Variants in C3orf85 observed in about 807,000 individuals in gnomAD.
C3orf85 encodes chromosome 3 open reading frame 85.
A neutral mutation model predicts 1.7 loss-of-function variants in C3orf85; 1 was observed. That is an observed-to-expected ratio of 0.60 (90% confidence interval 0.21 to 2.86). C3orf85 has a LOEUF of 2.86. Ranked by LOEUF, C3orf85 falls within the 30% of genes most tolerant of loss-of-function variation. The pLI, the probability that C3orf85 is intolerant of heterozygous loss-of-function variation, is 0.22. For synonymous variants in C3orf85, 17 were observed against 8.0 expected (o/e 2.13, Z -1.90); for missense variants, 29 against 21.3 (o/e 1.36, Z -0.72).
chr3:109,148,610 C>T (rs1706827123), intron 3 of C3orf85: 1 of 485,664 alleles, frequency 2.1e-6, no homozygotes, highest in African/African-American at 2.0e-5. Context: ...CCTTTCCCTT[C>T]TTCTCAGGGC....
chr3:109,142,445 C>A (rs1042686281), intron 2 of C3orf85, among the ~76,000 whole-genome samples: 52 of 152,160 alleles, frequency 3.4e-4, no homozygotes, highest in Non-Finnish European at 4.9e-4. Flanking sequence ...AGCAAGCCTG[C>A]ACTGCTTACT....
intron 2 of C3orf85, among the ~76,000 whole-genome samples, chr3:109,141,081 G>C (rs1302153866): frequency 3.3e-5 from 5 of 152,288 alleles, no homozygotes; most frequent in Middle Eastern, 6.8e-3. Flanking sequence ...CCACCTCTCA[G>C]GTTCAAGCGA....
chr3:109,138,799 T>C (rs1706707454), intron 2 of C3orf85, among the ~76,000 whole-genome samples: 1 of 152,206 alleles, frequency 6.6e-6, no homozygotes, highest in Admixed American at 6.5e-5. Flanking sequence ...TTGGAGCTGA[T>C]TCTCTAGTCA....
At chr3:109,144,206 C>T (rs1372857999) in intron 2 of C3orf85, among the ~76,000 whole-genome samples, 1 of 152,044 alleles carries the variant, frequency 6.6e-6, no homozygotes, top group African/African-American at 2.4e-5. Context: ...AACACAAAAC[C>T]CTGGTCTTGC....
chr3:109,137,637 G>GTGTGTATATAGATATATATATATA (rs751674362), intron 2 of C3orf85, among the ~76,000 whole-genome samples: 1 of 79,896 alleles, frequency 1.3e-5, no homozygotes, highest in Non-Finnish European at 2.6e-5. Flanking sequence ...GTGTGTGTGT[G>GTGTGTATATAGATATATATATATA]TATATATATA....
At chr3:109,144,066 T>G (rs529421338) in intron 2 of C3orf85, among the ~76,000 whole-genome samples, 4 of 152,212 alleles carry the variant, frequency 2.6e-5, no homozygotes, top group Non-Finnish European at 5.9e-5. Context: ...CTGATGATCA[T>G]GAAGTTTAAG....
chr3:109,141,139 A>G (rs1487682711), intron 2 of C3orf85, among the ~76,000 whole-genome samples: 5 of 152,058 alleles, frequency 3.3e-5, no homozygotes, highest in Non-Finnish European at 4.4e-5. Flanking sequence ...GGCATGCACA[A>G]CCATGCCTGG....
rs1042212156 is a variant in C3orf85 at position 109,140,193 on chromosome 3, GA to G, written c.49+3306del. The stretch of plus-strand genomic sequence containing the variant: ...AATAAACTGGAAAATAATTTGGCTG[GA>G]AAAAAAAATGTTGTTGTAGGAAAAT... On this transcript the variant is annotated intron_variant, in intron 2 of 3. Transcript: ENST00000622536. Among the ~76,000 whole-genome samples the G allele has an allele frequency of 7.3e-5, 11 of 151,228 alleles. 1 individual carries two copies. Among genetic ancestry groups the G allele is most frequent in the Admixed American group, 4.0e-4 (6 of 15,166 alleles).
intron 2 of C3orf85, among the ~76,000 whole-genome samples, chr3:109,144,506 G>A (rs1414029623): frequency 2.6e-5 from 4 of 152,100 alleles, no homozygotes; most frequent in African/African-American, 9.7e-5. Context: ...TGAGGTAGGT[G>A]GTTTGTCCTA....
At chr3:109,147,887 C>A (rs1385832710) in intron 2 of C3orf85, among the ~76,000 whole-genome samples, 1 of 152,028 alleles carries the variant, frequency 6.6e-6, no homozygotes, top group Non-Finnish European at 1.5e-5. Flanking sequence ...ATTATTATAC[C>A]CCTTAACATG....
chr3:109,144,220 C>T (rs748549091), intron 2 of C3orf85, among the ~76,000 whole-genome samples: 1 of 152,140 alleles, frequency 6.6e-6, no homozygotes, highest in Non-Finnish European at 1.5e-5. Flanking sequence ...GTCTTGCTCT[C>T]ACTAACTTTC....
At chr3:109,138,524 C>G (rs1222527568) in intron 2 of C3orf85, among the ~76,000 whole-genome samples, 1 of 152,074 alleles carries the variant, frequency 6.6e-6, no homozygotes, top group Non-Finnish European at 1.5e-5. Context: ...TCTCTGAAGC[C>G]CTTCTGCTTA....
chr3:109,140,621 C>A (rs1706734842), intron 2 of C3orf85, among the ~76,000 whole-genome samples: 1 of 152,180 alleles, frequency 6.6e-6, no homozygotes, highest in African/African-American at 2.4e-5. Context: ...AGATGGGGAT[C>A]CCATCAACAC....
At chr3:109,136,938 C>G in intron 2 of C3orf85, 42 bp downstream of exon 2, 1 of 403,978 alleles carries the variant, frequency 2.5e-6, no homozygotes, top group Non-Finnish European at 4.4e-6. Flanking sequence ...TCTCCTACAG[C>G]CATCAGGTTG....
At chr3:109,145,430 T>C (rs1039878058) in intron 2 of C3orf85, among the ~76,000 whole-genome samples, 4 of 152,076 alleles carry the variant, frequency 2.6e-5, no homozygotes, top group Non-Finnish European at 5.9e-5. Context: ...AACAGGCAAA[T>C]TCATAGGAAA....
chr3:109,137,635 G>GTATATA lies in C3orf85; in HGVS notation c.49+740_49+741insATATAT, dbSNP rs1436615146. 6.0e-3 allele frequency among the ~76,000 whole-genome samples: 291 copies of GTATATA among 48,750 alleles called. 1 individual carries two copies. Among genetic ancestry groups the GTATATA allele is most frequent in the East Asian group, 0.028 (39 of 1,410 alleles). 32.0% of individuals were successfully genotyped at this position (48,750 alleles called of 152,430 possible). ...GATGTATATATGTGTGTGTGTGTGT[G>GTATATA]TGTATATATATATATATATATATAT... On this transcript the variant is annotated intron_variant, in intron 2 of 3. Coordinates refer to ENST00000622536, the MANE Select transcript of C3orf85 (RefSeq NM_001351622.2).
chr3:109,137,579 T>C (rs1291605069), intron 2 of C3orf85, among the ~76,000 whole-genome samples: 2 of 148,298 alleles, frequency 1.3e-5, no homozygotes, highest in Admixed American at 1.4e-4. Flanking sequence ...ATTATATTTT[T>C]CCTGAAGCCC....
chr3:109,137,316 C>T (rs942870312), intron 2 of C3orf85, among the ~76,000 whole-genome samples: 2 of 151,966 alleles, frequency 1.3e-5, no homozygotes, highest in Non-Finnish European at 2.9e-5. Flanking sequence ...CAAAGTGGTG[C>T]TTTAAAGGCA....
At chr3:109,148,034 C>T (rs1214691489) in intron 2 of C3orf85, among the ~76,000 whole-genome samples, 1 of 152,146 alleles carries the variant, frequency 6.6e-6, no homozygotes, top group Non-Finnish European at 1.5e-5. Flanking sequence ...ATAGCACTGG[C>T]TTTCAAGGTG....
Sources: allele counts gnomAD v4.1 joint callset (sites outside exome capture counted in the v4.1 genomes callset), GRCh38; gene constraint gnomAD v4.1.1; transcripts MANE v1.5; gene names NCBI Gene and HGNC (gene_info 2026-07-23, HGNC 2026-07-21).